Variants in COL5A1 observed in about 807,000 individuals in gnomAD.
COL5A1 encodes collagen type V alpha 1 chain, also known as collagen alpha-1(V) chain.
Under a neutral mutation model 263.7 loss-of-function variants are expected in COL5A1, and 16 were observed. The observed-to-expected ratio is 0.06, with a 90% CI of 0.04 to 0.09. The LOEUF is 0.09. COL5A1 is among the 10% of genes least tolerant of loss of function. The probability of loss-of-function intolerance (pLI) is 1.00; values close to 1 mark genes in which losing one functional copy is unlikely to be tolerated. For missense variants in COL5A1, 2,036 were observed against 2,540.5 expected (o/e 0.80, Z 4.27); for synonymous variants, 1,012 against 1,004.5 (o/e 1.01, Z -0.14).
rs546540419 is a variant in COL5A1 at position 134,822,726 on chromosome 9, C to CA, written c.4609-272_4609-271insA. Among the ~76,000 whole-genome samples, 93 of 150,628 alleles carry CA rather than the reference C, an allele frequency of 6.2e-4. 1 individual carries two copies. In the East Asian group the frequency reaches 0.015, roughly 24 times the overall value. Reference sequence around the variant, plus strand: ...ACATGCTCTTTTCCGCTGCGCCCCCCCCGCGGCTGTCTGAGCTGGGGTTTC... The same window carrying CA: ...ACATGCTCTTTTCCGCTGCGCCCCCCACCGCGGCTGTCTGAGCTGGGGTTTC... On this transcript the variant is annotated intron_variant, in intron 59 of 65. Coordinates refer to ENST00000371817, the MANE Select transcript of COL5A1 (RefSeq NM_000093.5).
In COL5A1 at chr9:134,777,529, C is replaced by T. The variant is rs562612004; in HGVS notation, c.2386-2573C>T. Among the ~76,000 whole-genome samples, 9 of 152,266 alleles carry T rather than the reference C, an allele frequency of 5.9e-5. No homozygotes were observed. The South Asian group carries it at 8.3e-4, about 14-fold the overall frequency. On this transcript the variant is annotated intron_variant, in intron 27 of 65. Transcript: ENST00000371817. ...TGTCTAGTTGGTCCCATTCCTCCTA[C>T]GGGGATCCTGAAACGGTAGAACTGT...
At chr9:134,654,592 TGGGAGTGTGTAGGGCTGAG>T (rs1831860279) in intron 1 of COL5A1, among the ~76,000 whole-genome samples, 1 of 107,464 alleles carries the variant, frequency 9.3e-6, no homozygotes, top group Admixed American at 9.7e-5. Flanking sequence ...TGTGTAGGGC[TGGGAGTGTGTAGGGCTGAG>T]GGTGTGTAGG....
rs1206196143 is a variant in COL5A1 at position 134,842,755 on chromosome 9, G to A, written c.*452G>A. Reference sequence around the variant, plus strand: ...AATGTTCCAAGGTAAGCCTCGTAAAGGTCATCCCACCATCACCAAAGCCTC... The same window carrying A: ...AATGTTCCAAGGTAAGCCTCGTAAAAGTCATCCCACCATCACCAAAGCCTC... On this transcript the variant is annotated 3_prime_UTR_variant, in exon 66 of 66. Transcript: ENST00000371817. The surrounding 1 kb of genome is among the most constrained non-coding windows in gnomAD (Gnocchi z 5.8). 1 of 214,970 alleles carries A rather than the reference G, an allele frequency of 4.7e-6. No individual in the cohort carries two copies. Among genetic ancestry groups the A allele is most frequent in the African/African-American group, 2.3e-5 (1 of 43,572 alleles). 13.3% of individuals were successfully genotyped at this position (214,970 alleles called of 1,614,324 possible).
intron 1 of COL5A1, among the ~76,000 whole-genome samples, chr9:134,654,274 G>C (rs1588405603): frequency 7.1e-6 from 1 of 141,462 alleles, no homozygotes; most frequent in East Asian, 2.2e-4. Flanking sequence ...GGTGTGTAGG[G>C]CTGGAGGTGT....
chr9:134,672,793 C>T (rs1387093098), intron 1 of COL5A1, among the ~76,000 whole-genome samples: 1 of 152,146 alleles, frequency 6.6e-6, no homozygotes, highest in Non-Finnish European at 1.5e-5. Flanking sequence ...TACAAAATAA[C>T]TTCTAGAACT....
At chr9:134,751,437 C>T (rs997728279) in intron 13 of COL5A1, among the ~76,000 whole-genome samples, 4 of 152,250 alleles carry the variant, frequency 2.6e-5, no homozygotes, top group African/African-American at 7.2e-5. Flanking sequence ...CGGAAACCCA[C>T]GTGGCTCCTG....
chr9:134,767,161 C>A, intron 23 of COL5A1, 108 bp downstream of exon 23: 1 of 1,421,694 alleles, frequency 7.0e-7, no homozygotes, highest in Non-Finnish European at 9.9e-7. Context: ...CTCCAAGTAG[C>A]AGCCCCTCCC....
chr9:134,812,043 T>C (rs1323548002), intron 46 of COL5A1, among the ~76,000 whole-genome samples: 1 of 152,214 alleles, frequency 6.6e-6, no homozygotes, highest in Non-Finnish European at 1.5e-5. Flanking sequence ...CCATTTTCCA[T>C]CCTCCATTCC....
At position 134,819,146 on chromosome 9, in the gene COL5A1, C is replaced by A. The variant is rs1310151896; in HGVS notation, c.4446+93C>A. The A allele has an allele frequency of 6.7e-6, 9 of 1,340,550 alleles. No homozygotes were observed. The South Asian group carries it at 9.5e-5, about 14-fold the overall frequency. 83.0% of individuals were successfully genotyped at this position (1,340,550 alleles called of 1,614,324 possible). On this transcript the variant is annotated intron_variant, in intron 57 of 65. Coordinates refer to ENST00000371817, the MANE Select transcript of COL5A1 (RefSeq NM_000093.5). ...AACTCAACAAGCTCTTGATCCGTCA[C>A]CTAAATGTGTCAAGCACCTGCTGCA...
At chr9:134,771,505 CACTT>C (rs1162647259) in intron 25 of COL5A1, among the ~76,000 whole-genome samples, 4 of 152,204 alleles carry the variant, frequency 2.6e-5, no homozygotes. Flanking sequence ...CCCTCCCACT[CACTT>C]GCTGCTAGGA....
At chr9:134,740,209 C>T (rs534068095) in intron 11 of COL5A1, among the ~76,000 whole-genome samples, 1 of 151,912 alleles carries the variant, frequency 6.6e-6, no homozygotes, top group South Asian at 2.1e-4. Context: ...CGAGTGGCCG[C>T]TGCTCTTGCC....
At chr9:134,725,099 G>C (rs1834599488) in intron 4 of COL5A1, among the ~76,000 whole-genome samples, 1 of 152,180 alleles carries the variant, frequency 6.6e-6, no homozygotes, top group Admixed American at 6.5e-5. Context: ...ACCGTCTCTG[G>C]TGGCGGGACC....
chr9:134,662,979 T>G (rs1832254706), intron 1 of COL5A1, among the ~76,000 whole-genome samples: 1 of 152,218 alleles, frequency 6.6e-6, no homozygotes, highest in Non-Finnish European at 1.5e-5. Context: ...TTTGGAAATT[T>G]ACTAAAAATA....
chr9:134,823,943 T>C (rs1013844155), intron 61 of COL5A1, among the ~76,000 whole-genome samples: 1 of 152,072 alleles, frequency 6.6e-6, no homozygotes, highest in Non-Finnish European at 1.5e-5. Flanking sequence ...GTGTGTATAT[T>C]GTATACGTGC....
intron 4 of COL5A1, among the ~76,000 whole-genome samples, chr9:134,706,761 C>G (rs1833849801): frequency 6.6e-6 from 1 of 152,232 alleles, no homozygotes; most frequent in African/African-American, 2.4e-5. Context: ...TTCTCCTAGC[C>G]CTCCCCGCAC....
At chr9:134,800,042 G>A (rs1174192383) in intron 37 of COL5A1, among the ~76,000 whole-genome samples, 1 of 152,164 alleles carries the variant, frequency 6.6e-6, no homozygotes, top group Non-Finnish European at 1.5e-5. Flanking sequence ...CCATGGGCTA[G>A]TCCAGACAAG....
intron 4 of COL5A1, among the ~76,000 whole-genome samples, chr9:134,711,492 C>T (rs1486799558): frequency 2.6e-5 from 4 of 152,128 alleles, no homozygotes; most frequent in African/African-American, 4.8e-5. Context: ...TCTGTTCTAC[C>T]ACTGCACCCC....
At chr9:134,808,779 G>A (rs1244483900) in intron 42 of COL5A1, among the ~76,000 whole-genome samples, 1 of 152,180 alleles carries the variant, frequency 6.6e-6, no homozygotes, top group Non-Finnish European at 1.5e-5. Flanking sequence ...TAAAGAATCA[G>A]AAAGCTGGTG....
intron 63 of COL5A1, 39 bp from the exon 64 acceptor site, chr9:134,829,937 C>T: frequency 6.3e-7 from 1 of 1,596,992 alleles, no homozygotes; most frequent in East Asian, 2.2e-5. Flanking sequence ...CCCTTTTGTT[C>T]TGTTTCTCTC....
Sources: gnomAD v4.1 joint callset for allele counts (sites outside exome capture counted in the v4.1 genomes callset) on GRCh38, gnomAD v4.1.1 for gene constraint, Gnocchi (gnomAD v3.1) non-coding constraint, MANE v1.5 for transcripts, NCBI Gene and HGNC (gene_info 2026-07-23, HGNC 2026-07-21) for gene names.